IL1RAPL1: variants seen among roughly 807,000 people sequenced by gnomAD.
IL1RAPL1 encodes interleukin-1 receptor accessory protein-like 1.
In IL1RAPL1, 3 loss-of-function variants were observed where a neutral mutation model predicts 48.4. The ratio of observed to expected loss-of-function variants is 0.06; its 90% confidence interval spans 0.03 to 0.16. The LOEUF is 0.16. IL1RAPL1 is among the 10% of genes least tolerant of loss of function. The pLI is 1.00. For synonymous variants in IL1RAPL1, 185 were observed against 187.7 expected (o/e 0.99, Z 0.12); for missense variants, 349 against 530.6 (o/e 0.66, Z 3.36).
In IL1RAPL1 at chrX:29,319,160, G is replaced by GTCTGTCTA. The variant is rs370282992; in HGVS notation, c.362+35946_362+35947insGTCTATCT. Among the ~76,000 whole-genome samples the GTCTGTCTA allele has an allele frequency of 4.7e-3, 399 of 84,978 alleles. 3 individuals are homozygous for GTCTGTCTA. The highest frequency in any genetic ancestry group is 0.015 in the African/African-American group (325 of 21,773). 73.8% of individuals were successfully genotyped at this position (84,978 alleles called of 115,157 possible). On this transcript the variant is annotated intron_variant, in intron 3 of 10. Transcript: ENST00000378993. ...ACGTATGATATCTGTCTATCTGTCTGTCTATCTATCTATCTATCTATCTAT... is the reference window on the plus strand; with the variant it reads ...ACGTATGATATCTGTCTATCTGTCTGTCTGTCTATCTATCTATCTATCTATCTATCTAT...
chrX:29,828,897 G>A (rs1005542642), intron 6 of IL1RAPL1, among the ~76,000 whole-genome samples: 1 of 109,164 alleles, frequency 9.2e-6, no homozygotes, highest in African/African-American at 3.3e-5. Context: ...GTCCTGCCGG[G>A]GGGAAAAAAA....
intron 1 of IL1RAPL1, among the ~76,000 whole-genome samples, chrX:28,759,988 A>T (rs916763526): frequency 8.9e-6 from 1 of 112,051 alleles, no homozygotes; most frequent in Non-Finnish European, 1.9e-5. Flanking sequence ...ATGAGGAATT[A>T]AAAAAGTTAT....
intron 2 of IL1RAPL1, among the ~76,000 whole-genome samples, chrX:29,075,697 A>G (rs1477026301): frequency 3.6e-5 from 4 of 112,036 alleles, no homozygotes; most frequent in Non-Finnish European, 7.5e-5. Context: ...ATGAGTTTAA[A>G]TGAGCCAGTC....
At chrX:28,954,911 T>A (rs1360518036) in intron 2 of IL1RAPL1, among the ~76,000 whole-genome samples, 3 of 111,993 alleles carry the variant, frequency 2.7e-5, no homozygotes, top group Non-Finnish European at 3.8e-5. Flanking sequence ...ATTTGCCTGG[T>A]TTATTTACCT....
intron 5 of IL1RAPL1, among the ~76,000 whole-genome samples, chrX:29,619,682 A>G (rs1924400192): frequency 9.0e-6 from 1 of 111,722 alleles, no homozygotes; most frequent in Admixed American, 9.5e-5. Flanking sequence ...AATCAATGCC[A>G]CTAGAGCCAG....
intron 6 of IL1RAPL1, among the ~76,000 whole-genome samples, chrX:29,826,516 T>A (rs1196693050): frequency 8.9e-6 from 1 of 111,805 alleles, no homozygotes; most frequent in Non-Finnish European, 1.9e-5. Flanking sequence ...GGAAACCCTG[T>A]ACCTATTTGT....
chrX:28,983,948 A>G (rs1925404217), intron 2 of IL1RAPL1, among the ~76,000 whole-genome samples: 1 of 112,090 alleles, frequency 8.9e-6, no homozygotes, highest in South Asian at 3.7e-4. Context: ...ATGATTGTCA[A>G]TATTTTAAAT....
chrX:28,984,549 C>G (rs1346843779), intron 2 of IL1RAPL1, among the ~76,000 whole-genome samples: 5 of 112,215 alleles, frequency 4.5e-5, no homozygotes, highest in African/African-American at 1.6e-4. Flanking sequence ...TTGAAAACCT[C>G]TCACTATGCT....
At chrX:29,035,796 A>G (rs1187647458) in intron 2 of IL1RAPL1, among the ~76,000 whole-genome samples, 1 of 112,629 alleles carries the variant, frequency 8.9e-6, no homozygotes, top group Non-Finnish European at 1.9e-5. Flanking sequence ...ATTTAACTAT[A>G]TCATAACATT....
chrX:29,674,829 C>G (rs1192148666), intron 6 of IL1RAPL1, among the ~76,000 whole-genome samples: 1 of 111,744 alleles, frequency 8.9e-6, no homozygotes, highest in African/African-American at 3.3e-5. Context: ...ATTTGGTTTT[C>G]TGTTCCTGCA....
intron 6 of IL1RAPL1, among the ~76,000 whole-genome samples, chrX:29,914,296 A>C (rs1190185071): frequency 3.6e-5 from 4 of 112,348 alleles, no homozygotes; most frequent in African/African-American, 6.5e-5. Context: ...ATAAAAGTGA[A>C]TAAAAATGAA....
At chrX:29,133,408 A>G (rs1929062311) in intron 2 of IL1RAPL1, among the ~76,000 whole-genome samples, 1 of 112,028 alleles carries the variant, frequency 8.9e-6, no homozygotes, top group Non-Finnish European at 1.9e-5. Context: ...ATAACAAACC[A>G]CTGAGTTTCC....
At chrX:29,645,613 G>A (rs1386176368) in intron 5 of IL1RAPL1, among the ~76,000 whole-genome samples, 1 of 111,660 alleles carries the variant, frequency 9.0e-6, no homozygotes, top group Non-Finnish European at 1.9e-5. Flanking sequence ...ATGGAATCAA[G>A]TTTTGGTCTG....
At chrX:29,366,080 A>G (rs1933450854) in intron 3 of IL1RAPL1, among the ~76,000 whole-genome samples, 1 of 110,057 alleles carries the variant, frequency 9.1e-6, no homozygotes, top group Non-Finnish European at 1.9e-5. Context: ...GCAAGGAAGG[A>G]TATTAATTAA....
At chrX:28,595,101 T>C (rs1035799754) in intron 1 of IL1RAPL1, among the ~76,000 whole-genome samples, 1 of 112,320 alleles carries the variant, frequency 8.9e-6, no homozygotes, top group Admixed American at 9.5e-5. Flanking sequence ...TTTGACGATA[T>C]TGAATTTCAT....
chrX:29,939,750 T>A (rs181010301), intron 8 of IL1RAPL1, among the ~76,000 whole-genome samples: 1 of 112,507 alleles, frequency 8.9e-6, no homozygotes. Context: ...ATTTCCCATT[T>A]AATTTTAATA....
chrX:29,486,007 A>G (rs1461949918), intron 5 of IL1RAPL1, among the ~76,000 whole-genome samples: 1 of 111,369 alleles, frequency 9.0e-6, no homozygotes, highest in African/African-American at 3.3e-5. Context: ...CTAAAAATGC[A>G]TTATTTGTAC....
intron 5 of IL1RAPL1, among the ~76,000 whole-genome samples, chrX:29,532,253 T>C (rs985757915): frequency 1.8e-5 from 2 of 112,047 alleles, no homozygotes; most frequent in African/African-American, 6.5e-5. Flanking sequence ...AGGATATGAC[T>C]GAGTCTTCCA....
At chrX:29,873,158 ACATAACCCAC>A (rs1931832500) in intron 6 of IL1RAPL1, among the ~76,000 whole-genome samples, 1 of 111,716 alleles carries the variant, frequency 9.0e-6, no homozygotes, top group African/African-American at 3.3e-5. Context: ...TCATTGACTG[ACATAACCCAC>A]CAGACAGTAC....
Sources: allele counts gnomAD v4.1 joint callset (sites outside exome capture counted in the v4.1 genomes callset), GRCh38; gene constraint gnomAD v4.1.1; transcripts MANE v1.5; gene names NCBI Gene and HGNC (gene_info 2026-07-23, HGNC 2026-07-21).